The following OSBPL10 variants were observed in gnomAD, a reference collection of about 807,000 sequenced individuals.
OSBPL10 encodes oxysterol binding protein like 10, also known as oxysterol-binding protein-related protein 10.
Under a neutral mutation model 81.7 loss-of-function variants are expected in OSBPL10, and 49 were observed. The observed-to-expected ratio is 0.60, with a 90% CI of 0.48 to 0.76. The LOEUF (loss-of-function observed/expected upper bound fraction) is 0.76. Among genes scored for constraint, OSBPL10 ranks in the 30% least tolerant of loss-of-function variants. OSBPL10 has a pLI of 0.00. For synonymous variants in OSBPL10, 419 were observed against 383.6 expected (o/e 1.09, Z -1.08); for missense variants, 923 against 987.8 (o/e 0.93, Z 0.88).
chr3:31,827,496 C>T (rs1419355499), intron 4 of OSBPL10, among the ~76,000 whole-genome samples: 2 of 151,910 alleles, frequency 1.3e-5, no homozygotes, highest in Non-Finnish European at 2.9e-5. Flanking sequence ...ATTAGCCAGG[C>T]GTGGTGGTGG....
intron 4 of OSBPL10, among the ~76,000 whole-genome samples, chr3:31,768,268 T>C (rs1698262130): frequency 6.6e-6 from 1 of 152,206 alleles, no homozygotes; most frequent in African/African-American, 2.4e-5. Flanking sequence ...CCCTTGGTTT[T>C]GGTAGGCATC....
At chr3:31,883,542 GT>G (rs59059225) in intron 1 of OSBPL10, among the ~76,000 whole-genome samples, 101 of 138,888 alleles carry the variant, frequency 7.3e-4, no homozygotes, top group South Asian at 4.2e-3. Flanking sequence ...TTTTTTTGTT[GT>G]TTTTTTTTTT....
chr3:31,900,025 C>CTTTTT (rs11423783), intron 1 of OSBPL10, among the ~76,000 whole-genome samples: 2 of 135,472 alleles, frequency 1.5e-5, no homozygotes, highest in African/African-American at 2.8e-5. Context: ...GAAAATAAAA[C>CTTTTT]TTTTTTTTTT....
intron 1 of OSBPL10, among the ~76,000 whole-genome samples, chr3:31,966,180 T>A (rs1239626198): frequency 6.7e-6 from 1 of 148,198 alleles, no homozygotes; most frequent in African/African-American, 2.5e-5. Flanking sequence ...TGTGTGTGTG[T>A]GTGTGTGTGT....
intron 1 of OSBPL10, among the ~76,000 whole-genome samples, chr3:31,979,339 C>T (rs1156789756): frequency 1.3e-5 from 2 of 152,176 alleles, no homozygotes; most frequent in Non-Finnish European, 2.9e-5. Flanking sequence ...GCCCAGGTGA[C>T]TCAGAAAGTC....
intron 4 of OSBPL10, among the ~76,000 whole-genome samples, chr3:31,813,460 T>C (rs1236138220): frequency 1.3e-5 from 2 of 152,232 alleles, no homozygotes; most frequent in Non-Finnish European, 2.9e-5. Context: ...TTGTTTGTTT[T>C]GTCTATAAAA....
chr3:31,830,250 G>A lies in OSBPL10; in HGVS notation c.538-19C>T. The A allele has an allele frequency of 6.2e-7, 1 of 1,602,206 alleles. No individual in the cohort carries two copies. Among genetic ancestry groups the A allele is most frequent in the Non-Finnish European group, 8.5e-7 (1 of 1,174,308 alleles). ...GAGCACTCTAGAATAAGCAACAGGT[G>A]TCAAAACTCAACAACTGACCTGCAG... On this transcript the variant is annotated intron_variant, in intron 3 of 11. Coordinates refer to ENST00000396556, the MANE Select transcript of OSBPL10 (RefSeq NM_017784.5).
intron 3 of OSBPL10, among the ~76,000 whole-genome samples, chr3:31,870,530 C>T (rs1334055318): frequency 1.3e-5 from 2 of 152,252 alleles, no homozygotes; most frequent in Admixed American, 6.5e-5. Flanking sequence ...CAGGCAGCTC[C>T]ACCTGCAGCC....
intron 1 of OSBPL10, among the ~76,000 whole-genome samples, chr3:31,904,057 A>G (rs1216637526): frequency 1.3e-5 from 2 of 152,140 alleles, no homozygotes; most frequent in African/African-American, 2.4e-5. Flanking sequence ...CTACCGCCCT[A>G]AAAGTTCTCA....
chr3:31,675,558 G>T (rs1033114854), intron 8 of OSBPL10, among the ~76,000 whole-genome samples: 3 of 152,162 alleles, frequency 2.0e-5, no homozygotes, highest in Non-Finnish European at 1.5e-5. Context: ...ACTGCAGCAT[G>T]GCACACTGCC....
chr3:31,730,330 C>CA lies in OSBPL10; in HGVS notation c.1095+2926dup, dbSNP rs796676217. 7.5e-3 allele frequency among the ~76,000 whole-genome samples: 936 copies of CA among 125,022 alleles called. 12 individuals carry two copies. Among genetic ancestry groups the CA allele is most frequent in the African/African-American group, 0.022 (740 of 33,848 alleles). The allele number at this position is 125,022 out of a possible 152,430, so 82.0% of individuals were successfully genotyped here. On this transcript the variant is annotated intron_variant, in intron 6 of 11. Coordinates refer to ENST00000396556, the MANE Select transcript of OSBPL10 (RefSeq NM_017784.5). The stretch of plus-strand genomic sequence containing the variant: ...ACTGTACTCCAGCCTGGCCACAGAG[C>CA]AAAAAAAAAATCTCCAAAAAAAGGG...
chr3:32,011,814 C>T (rs1415819527), intron 2 of OSBPL10, among the ~76,000 whole-genome samples: 8 of 151,832 alleles, frequency 5.3e-5, no homozygotes, highest in African/African-American at 1.5e-4. Context: ...CTTCAGTAGC[C>T]GATTTGATCA....
intron 2 of OSBPL10, among the ~76,000 whole-genome samples, chr3:32,015,023 A>C (rs1184432054): frequency 1.3e-5 from 2 of 152,226 alleles, no homozygotes; most frequent in Non-Finnish European, 2.9e-5. Context: ...ATACTGCCCA[A>C]GGTAATTTAT....
chr3:31,933,951 G>A (rs1697316508), intron 1 of OSBPL10, among the ~76,000 whole-genome samples: 1 of 151,880 alleles, frequency 6.6e-6, no homozygotes, highest in Admixed American at 6.6e-5. Flanking sequence ...ATCATTCAAA[G>A]GAAATTAAAC....
intron 1 of OSBPL10, among the ~76,000 whole-genome samples, chr3:31,910,131 G>A (rs572657966): frequency 1.0e-3 from 154 of 151,936 alleles, no homozygotes; most frequent in African/African-American, 3.5e-3. Context: ...GCAGGAACAC[G>A]CCACCATGCC....
At chr3:31,907,622 A>C (rs1260286912) in intron 1 of OSBPL10, among the ~76,000 whole-genome samples, 67 of 49,138 alleles carry the variant, frequency 1.4e-3, no homozygotes, top group East Asian at 3.7e-3. Context: ...TCCATCTCAA[A>C]AAAAAAAAAA....
chr3:31,761,214 C>T (rs1559453150), intron 4 of OSBPL10, among the ~76,000 whole-genome samples: 1 of 152,118 alleles, frequency 6.6e-6, no homozygotes, highest in Admixed American at 6.5e-5. Context: ...TGGCTCACAC[C>T]TGTAATCCCA....
chr3:31,836,825 A>T lies in OSBPL10; in HGVS notation c.538-6594T>A, dbSNP rs116545559. On this transcript the variant is annotated intron_variant, in intron 3 of 11. Transcript: ENST00000396556. The stretch of plus-strand genomic sequence containing the variant: ...GGGCCTTGCAATTCCAAGTACCAAG[A>T]CTCCTTTTGGATGCTTTATTTTGAA... Among the ~76,000 whole-genome samples, 1,143 of 151,834 alleles carry T rather than the reference A, an allele frequency of 7.5e-3. 11 individuals carry two copies. The highest frequency in any genetic ancestry group is 0.025 in the African/African-American group (1,036 of 41,388).
At chr3:31,675,502 G>C (rs1158351701) in intron 8 of OSBPL10, among the ~76,000 whole-genome samples, 1 of 152,132 alleles carries the variant, frequency 6.6e-6, no homozygotes, top group Non-Finnish European at 1.5e-5. Context: ...TATCTCCCAT[G>C]GCTGTCGTAA....
Sources: allele counts gnomAD v4.1 joint callset (sites outside exome capture counted in the v4.1 genomes callset), GRCh38; gene constraint gnomAD v4.1.1; transcripts MANE v1.5; gene names NCBI Gene and HGNC (gene_info 2026-07-23, HGNC 2026-07-21).